The following PDLIM2 variants were observed in gnomAD, a reference collection of about 807,000 sequenced individuals.
PDLIM2 encodes the protein PDZ and LIM domain protein 2.
In PDLIM2, 51 loss-of-function variants were observed where a neutral mutation model predicts 54.1. The ratio of observed to expected loss-of-function variants is 0.94; its 90% CI spans 0.75 to 1.19. PDLIM2 has a LOEUF of 1.19. Among genes scored for constraint, PDLIM2 ranks in the 50% most tolerant of loss-of-function variants. PDLIM2 has a pLI of 0.00. For missense variants in PDLIM2, 912 were observed against 874.0 expected (o/e 1.04, Z -0.55); for synonymous variants, 398 against 385.6 (o/e 1.03, Z -0.38).
At chr8:22,580,019 G>T (rs1389613816) in intron 1 of PDLIM2, 1 of 168,994 alleles carries the variant, frequency 5.9e-6, no homozygotes, top group Non-Finnish European at 1.3e-5. Context: ...TGGGCAGCTA[G>T]GAGGCCCATG....
chr8:22,579,233 G>A, exon 1 of PDLIM2: 2 of 1,362,874 alleles, frequency 1.5e-6, no homozygotes, highest in Non-Finnish European at 1.9e-6. Context: ...AGGTGAGCGC[G>A]CCCACCTGCG....
At chr8:22,593,884 C>A (rs551380466) in exon 10 of PDLIM2, 14 of 1,549,918 alleles carry the variant, frequency 9.0e-6, no homozygotes, top group Non-Finnish European at 1.2e-5. Context: ...CTACTCCGCA[C>A]CTGCCACCCT....
chr8:22,596,419 G>A (rs1053409485), downstream of PDLIM2: 2 of 152,188 alleles, frequency 1.3e-5, no homozygotes, highest in East Asian at 1.9e-4. Context: ...CAATCAGCCC[G>A]GCTCGGGAGC....
chr8:22,581,051 GA>G, intron 2 of PDLIM2: 1 of 663,204 alleles, frequency 1.5e-6, no homozygotes, highest in Non-Finnish European at 2.9e-6. Context: ...ACATTCACAG[GA>G]GGGCTGTGCA....
downstream of PDLIM2, chr8:22,595,442 T>C (rs1329869096): frequency 6.6e-6 from 1 of 152,230 alleles, no homozygotes; most frequent in Non-Finnish European, 1.5e-5. Context: ...GGGGCAACAC[T>C]GGGCTTCTGG....
chr8:22,580,475 C>T, intron 1 of PDLIM2: 2 of 1,551,836 alleles, frequency 1.3e-6, no homozygotes, highest in South Asian at 1.2e-5. Context: ...ACCCCAAAGC[C>T]CCTGAGTAGC....
chr8:22,583,158 C>T (rs1408424877), intron 3 of PDLIM2, among the ~76,000 whole-genome samples: 1 of 152,112 alleles, frequency 6.6e-6, no homozygotes, highest in African/African-American at 2.4e-5. Context: ...CTTCAGTTAC[C>T]TCCCATTCAG....
chr8:22,582,578 ATTTTTTTTT>A (rs778664391), intron 3 of PDLIM2, among the ~76,000 whole-genome samples: 28 of 126,044 alleles, frequency 2.2e-4, no homozygotes, highest in Non-Finnish European at 4.0e-4. Context: ...CAGTCTCTTA[ATTTTTTTTT>A]TTTTTTTTTT....
At chr8:22,581,278 G>C in intron 2 of PDLIM2, 101 bp from the exon 2 acceptor site, 1 of 1,464,636 alleles carries the variant, frequency 6.8e-7, no homozygotes, top group Admixed American at 2.1e-5. Context: ...GTGCAGGCCG[G>C]CCTGGGTCAA....
intron 9 of PDLIM2, chr8:22,591,889 T>G: frequency 2.1e-6 from 1 of 468,890 alleles, no homozygotes; most frequent in Middle Eastern, 5.6e-4. Context: ...CCTCTCCCTC[T>G]CCTCCTTTTC....
At chr8:22,581,961 G>C (rs1800216555) in intron 3 of PDLIM2, among the ~76,000 whole-genome samples, 1 of 152,250 alleles carries the variant, frequency 6.6e-6, no homozygotes. Flanking sequence ...CCAGCTGGAA[G>C]TGAGGACTTG....
At chr8:22,589,364 T>C in exon 7 of PDLIM2, 1 of 1,535,052 alleles carries the variant, frequency 6.5e-7, no homozygotes, top group Non-Finnish European at 8.7e-7. Context: ...CCCTCGTTCC[T>C]CCAGGCCCAG....
chr8:22,579,286 C>G, exon 1 of PDLIM2: 2 of 1,381,880 alleles, frequency 1.4e-6, no homozygotes, highest in South Asian at 3.3e-5. Flanking sequence ...GGCTCCTCTC[C>G]GCGCCCCTGT....
At chr8:22,593,957 C>T in exon 10 of PDLIM2, 3 of 1,525,064 alleles carry the variant, frequency 2.0e-6, no homozygotes, top group Non-Finnish European at 2.6e-6. Flanking sequence ...AGGGTCATGC[C>T]TATATAAGTT....
At chr8:22,591,330 G>C (rs1800540224) in intron 8 of PDLIM2, 2 of 581,690 alleles carry the variant, frequency 3.4e-6, no homozygotes, top group African/African-American at 3.8e-5. Flanking sequence ...AGGTGGCCTT[G>C]GATGGGCAAA....
At chr8:22,591,137 T>G (rs1800534921) in intron 8 of PDLIM2, 1 of 247,690 alleles carries the variant, frequency 4.0e-6, no homozygotes, top group African/African-American at 2.3e-5. Flanking sequence ...CCCGTAGCCC[T>G]GGGCTTCATC....
At chr8:22,587,665 C>A (rs990038798) in intron 6 of PDLIM2, 1 of 152,208 alleles carries the variant, frequency 6.6e-6, no homozygotes, top group African/African-American at 2.4e-5. Context: ...GGTCGCTAAC[C>A]CCTAACCGCC....
At chr8:22,581,586 G>A (rs772468897) in intron 3 of PDLIM2, 56 bp downstream of exon 2, 247 of 1,516,324 alleles carry the variant, frequency 1.6e-4, no homozygotes, top group Non-Finnish European at 1.6e-4. Flanking sequence ...ACCACCCCAC[G>A]TATTGAGCAG....
chr8:22,589,252 C>T (rs1563871093), intron 6 of PDLIM2, 46 bp from the exon 6 acceptor site: 2 of 1,529,944 alleles, frequency 1.3e-6, no homozygotes, highest in Middle Eastern at 2.3e-4. Context: ...GTGTGTTGGC[C>T]CAAGGCTCTG....
Sources: gnomAD v4.1 joint callset for allele counts (sites outside exome capture counted in the v4.1 genomes callset) on GRCh38, gnomAD v4.1.1 for gene constraint, MANE v1.5 for transcripts, NCBI Gene and HGNC (gene_info 2026-07-23, HGNC 2026-07-21) for gene names.